PTPRD: variants seen among roughly 807,000 people sequenced by gnomAD.
PTPRD encodes receptor-type tyrosine-protein phosphatase delta.
A neutral mutation model predicts 214.5 loss-of-function variants in PTPRD; 34 were observed. The observed-to-expected ratio is 0.16, with a 90% CI of 0.12 to 0.21. PTPRD has a LOEUF of 0.21. Ranked by LOEUF, PTPRD falls within the 10% of genes least tolerant of loss-of-function variation. PTPRD has a pLI of 1.00. For synonymous variants in PTPRD, 1,128 were observed against 845.7 expected (o/e 1.33, Z -5.79); for missense variants, 2,545 against 2,398.7 (o/e 1.06, Z -1.27).
chr9:8,936,995 G>C (rs1203283920), intron 11 of PTPRD, among the ~76,000 whole-genome samples: 1 of 152,110 alleles, frequency 6.6e-6, no homozygotes, highest in Non-Finnish European at 1.5e-5. Context: ...TTGGTAACAA[G>C]TAAGAAATAA....
chr9:8,825,120 A>T (rs1411857603), intron 11 of PTPRD, among the ~76,000 whole-genome samples: 1 of 152,110 alleles, frequency 6.6e-6, no homozygotes, highest in Non-Finnish European at 1.5e-5. Context: ...AGTTGGGTAA[A>T]TTTCTTTCTT....
intron 10 of PTPRD, among the ~76,000 whole-genome samples, chr9:9,104,870 C>T (rs750056167): frequency 6.6e-6 from 1 of 152,064 alleles, no homozygotes; most frequent in Non-Finnish European, 1.5e-5. Flanking sequence ...ATAATAGCCA[C>T]GAGTGAGACA....
At chr9:10,099,896 C>T (rs147306688) in intron 3 of PTPRD, among the ~76,000 whole-genome samples, 10 of 151,770 alleles carry the variant, frequency 6.6e-5, no homozygotes, top group African/African-American at 2.4e-4. Flanking sequence ...CACAACTAAA[C>T]TAGTATAAGA....
intron 5 of PTPRD, among the ~76,000 whole-genome samples, chr9:9,891,555 C>A (rs2073338044): frequency 6.6e-6 from 1 of 152,002 alleles, no homozygotes. Context: ...ATTTTTTTGA[C>A]AGTACTTTCA....
chr9:9,695,704 C>T (rs139637768), intron 7 of PTPRD, among the ~76,000 whole-genome samples: 138 of 152,152 alleles, frequency 9.1e-4, no homozygotes, highest in African/African-American at 2.9e-3. Context: ...ATCATGTTCA[C>T]TGTTTTGCAT....
chr9:8,697,595 G>A (rs770945555), intron 12 of PTPRD, among the ~76,000 whole-genome samples: 7 of 151,192 alleles, frequency 4.6e-5, no homozygotes, highest in South Asian at 4.2e-4. Context: ...GCTAATTTTC[G>A]TATTTTTAGT....
Position 8,394,680 on chromosome 9 carries a change from A to G in PTPRD, c.4211-5273T>C, listed in dbSNP as rs1308511780. On this transcript the variant is annotated intron_variant, in intron 36 of 45. Coordinates refer to ENST00000381196, the MANE Select transcript of PTPRD (RefSeq NM_002839.4). Reference sequence around the variant, plus strand: ...TCTGTGCTATTCTTAACCTTCTTGGACTCAGACATCTCTGTGAAGTTATTT... The same window carrying G: ...TCTGTGCTATTCTTAACCTTCTTGGGCTCAGACATCTCTGTGAAGTTATTT... 2.0e-5 allele frequency among the ~76,000 whole-genome samples: 3 copies of G among 152,024 alleles called. No individual in the cohort carries two copies. The East Asian group carries it at 5.8e-4, about 29-fold the overall frequency.
chr9:8,596,892 A>G (rs140956471), intron 14 of PTPRD, among the ~76,000 whole-genome samples: 1 of 152,114 alleles, frequency 6.6e-6, no homozygotes, highest in African/African-American at 2.4e-5. Flanking sequence ...CATTTGACAC[A>G]TTTAATAAAT....
intron 4 of PTPRD, among the ~76,000 whole-genome samples, chr9:9,988,590 G>T (rs1055784526): frequency 2.0e-5 from 3 of 152,092 alleles, no homozygotes; most frequent in African/African-American, 7.2e-5. Flanking sequence ...TATCATTAGT[G>T]CTGAATTTTA....
intron 30 of PTPRD, among the ~76,000 whole-genome samples, chr9:8,471,600 T>C (rs1456495429): frequency 6.6e-6 from 1 of 152,158 alleles, no homozygotes; most frequent in Non-Finnish European, 1.5e-5. Context: ...TAGGTATAAT[T>C]GCACAGAGTA....
At chr9:9,138,034 T>C (rs942912338) in intron 10 of PTPRD, among the ~76,000 whole-genome samples, 1 of 152,138 alleles carries the variant, frequency 6.6e-6, no homozygotes, top group East Asian at 1.9e-4. Context: ...TGTTAAGGGA[T>C]AGAGCTGAGA....
chr9:8,931,554 G>C (rs544723257), intron 11 of PTPRD, among the ~76,000 whole-genome samples: 2 of 152,284 alleles, frequency 1.3e-5, no homozygotes, highest in African/African-American at 4.8e-5. Flanking sequence ...ACCTTGGGCA[G>C]TATGGCCCTT....
At position 8,703,843 on chromosome 9, in the gene PTPRD, GA is replaced by G. The variant is rs552715700; in HGVS notation, c.64+29936del. 2.9e-3 allele frequency among the ~76,000 whole-genome samples: 435 copies of G among 152,230 alleles called. 6 individuals are homozygous for G. Among genetic ancestry groups the G allele is most frequent in the Admixed American group, 0.026 (390 of 15,280 alleles). Reference sequence around the variant, plus strand: ...GGCATCTCCAGAAGGTTATTTAACAGACAGATAAAATTCAATATGTCCCAAA... The same window carrying G: ...GGCATCTCCAGAAGGTTATTTAACAGCAGATAAAATTCAATATGTCCCAAA... On this transcript the variant is annotated intron_variant, in intron 12 of 45. Transcript: ENST00000381196.
chr9:10,186,699 A>G (rs1212383667), intron 3 of PTPRD, among the ~76,000 whole-genome samples: 1 of 152,178 alleles, frequency 6.6e-6, no homozygotes, highest in Non-Finnish European at 1.5e-5. Context: ...CATTAAGTAC[A>G]CTACTCAAAA....
At chr9:10,018,732 G>A (rs1241107050) in intron 4 of PTPRD, among the ~76,000 whole-genome samples, 1 of 150,084 alleles carries the variant, frequency 6.7e-6, no homozygotes, top group African/African-American at 2.4e-5. Context: ...TGTATTTTTA[G>A]TAGAGACGGG....
intron 2 of PTPRD, among the ~76,000 whole-genome samples, chr9:10,540,856 G>T (rs1424801328): frequency 1.3e-5 from 2 of 152,076 alleles, no homozygotes; most frequent in African/African-American, 4.8e-5. Context: ...CTGCAGTTTG[G>T]CACAATTTAG....
chr9:10,593,914 A>C (rs1262994703), intron 2 of PTPRD, among the ~76,000 whole-genome samples: 3 of 151,994 alleles, frequency 2.0e-5, no homozygotes. Context: ...CTCTTTTCAT[A>C]CAAAGCTTTT....
At chr9:10,293,548 T>A (rs992423670) in intron 3 of PTPRD, among the ~76,000 whole-genome samples, 1 of 151,928 alleles carries the variant, frequency 6.6e-6, no homozygotes, top group Admixed American at 6.6e-5. Context: ...ACTTGCTCCA[T>A]CATTAAGTTT....
intron 4 of PTPRD, among the ~76,000 whole-genome samples, chr9:9,964,969 T>C (rs10978138): frequency 0.31 from 47,371 of 151,996 alleles, 8,173 homozygotes; most frequent in East Asian, 0.57. Context: ...AATATGTTCA[T>C]GCAAAAATAG....
Sources: gnomAD v4.1 joint callset for allele counts (sites outside exome capture counted in the v4.1 genomes callset) on GRCh38, gnomAD v4.1.1 for gene constraint, MANE v1.5 for transcripts, NCBI Gene and HGNC (gene_info 2026-07-23, HGNC 2026-07-21) for gene names.